Variants in ZRANB3 observed in about 807,000 individuals in gnomAD.
The protein encoded by ZRANB3 is DNA annealing helicase and endonuclease ZRANB3.
Under a neutral mutation model 133.8 loss-of-function variants are expected in ZRANB3, and 125 were observed. That is an observed-to-expected ratio of 0.93 (90% CI 0.81 to 1.08). The LOEUF is 1.08. ZRANB3 is among the 50% of genes least tolerant of loss of function. The pLI, the probability that ZRANB3 is intolerant of heterozygous loss-of-function variation, is 0.00. For missense variants in ZRANB3, 1,229 were observed against 1,275.5 expected (o/e 0.96, Z 0.56); for synonymous variants, 387 against 432.7 (o/e 0.89, Z 1.31).
intron 6 of ZRANB3, among the ~76,000 whole-genome samples, chr2:135,338,461 C>G (rs968457860): frequency 1.3e-5 from 2 of 152,186 alleles, no homozygotes; most frequent in South Asian, 2.1e-4. Flanking sequence ...AAGTGGACAC[C>G]ACAGTGCCGC....
At chr2:135,237,826 G>A (rs1695367240) in intron 12 of ZRANB3, among the ~76,000 whole-genome samples, 1 of 152,056 alleles carries the variant, frequency 6.6e-6, no homozygotes. Context: ...AGCATTAGGA[G>A]ATATACCTAA....
chr2:135,475,224 G>C (rs1559023259), intron 2 of ZRANB3, among the ~76,000 whole-genome samples: 1 of 152,032 alleles, frequency 6.6e-6, no homozygotes, highest in African/African-American at 2.4e-5. Context: ...TTTCTGAATA[G>C]AAAAAACCCT....
At chr2:135,483,516 T>C (rs1304456460) in intron 2 of ZRANB3, among the ~76,000 whole-genome samples, 2 of 152,088 alleles carry the variant, frequency 1.3e-5, no homozygotes, top group South Asian at 4.1e-4. Context: ...CTTTTTTTAT[T>C]AGTATTGCTA....
intron 2 of ZRANB3, among the ~76,000 whole-genome samples, chr2:135,460,874 T>C (rs868593565): frequency 3.9e-5 from 6 of 152,184 alleles, no homozygotes; most frequent in Non-Finnish European, 8.8e-5. Flanking sequence ...TATAATCTTA[T>C]AGAGCTGTGC....
At chr2:135,284,223 AGGGTTGT>A (rs1274584078) in intron 8 of ZRANB3, among the ~76,000 whole-genome samples, 1 of 152,216 alleles carries the variant, frequency 6.6e-6, no homozygotes, top group African/African-American at 2.4e-5. Context: ...TACACCGCAT[AGGGTTGT>A]GGTGAAAATT....
chr2:135,403,393 G>T (rs997518114), intron 2 of ZRANB3, among the ~76,000 whole-genome samples: 1 of 152,234 alleles, frequency 6.6e-6, no homozygotes, highest in Non-Finnish European at 1.5e-5. Context: ...GAAGGCGGCA[G>T]CAAGGCTGGG....
intron 2 of ZRANB3, among the ~76,000 whole-genome samples, chr2:135,395,239 A>G (rs570088993): frequency 7.2e-5 from 11 of 152,210 alleles, no homozygotes; most frequent in African/African-American, 2.4e-4. Flanking sequence ...TCAGAAACAT[A>G]CACTGGGAGA....
At chr2:135,491,435 C>T (rs1293162758) in intron 2 of ZRANB3, among the ~76,000 whole-genome samples, 1 of 152,186 alleles carries the variant, frequency 6.6e-6, no homozygotes, top group Non-Finnish European at 1.5e-5. Context: ...ACCTCCACCT[C>T]CCGGGTTTAT....
chr2:135,337,335 ATG>A (rs1229258372), intron 6 of ZRANB3, among the ~76,000 whole-genome samples: 3 of 152,200 alleles, frequency 2.0e-5, no homozygotes, highest in Admixed American at 1.3e-4. Context: ...GAAGAATACT[ATG>A]TGTTAACTGG....
chr2:135,233,467 G>C (rs539483052), intron 12 of ZRANB3, among the ~76,000 whole-genome samples: 4 of 152,250 alleles, frequency 2.6e-5, no homozygotes, highest in Admixed American at 1.3e-4. Flanking sequence ...TCCTCGAGAA[G>C]AGCAACTCCA....
At chr2:135,360,208 G>A (rs374026262) in intron 3 of ZRANB3, among the ~76,000 whole-genome samples, 5 of 151,626 alleles carry the variant, frequency 3.3e-5, no homozygotes, top group African/African-American at 9.7e-5. Flanking sequence ...ATGAAACCCC[G>A]TCTCTATGAA....
chr2:135,368,783 T>C (rs1686047572), intron 3 of ZRANB3, among the ~76,000 whole-genome samples: 1 of 151,678 alleles, frequency 6.6e-6, no homozygotes. Flanking sequence ...CCACAAAAAT[T>C]AAAAATTAAA....
intron 2 of ZRANB3, among the ~76,000 whole-genome samples, chr2:135,483,217 G>T (rs1358835390): frequency 1.3e-5 from 2 of 151,872 alleles, no homozygotes; most frequent in Non-Finnish European, 2.9e-5. Flanking sequence ...TGTACCTCTG[G>T]TAGAATTCGG....
intron 2 of ZRANB3, among the ~76,000 whole-genome samples, chr2:135,469,622 T>C (rs866596139): frequency 6.6e-6 from 1 of 152,052 alleles, no homozygotes; most frequent in African/African-American, 2.4e-5. Flanking sequence ...GTACTGGAGG[T>C]GGACAAACAA....
At chr2:135,398,389 T>C (rs1300590920) in intron 2 of ZRANB3, among the ~76,000 whole-genome samples, 5 of 151,912 alleles carry the variant, frequency 3.3e-5, no homozygotes, top group African/African-American at 9.7e-5. Flanking sequence ...CTTAATTTCA[T>C]CTACTAGCTT....
chr2:135,373,308 C>G (rs1430109929), intron 3 of ZRANB3, among the ~76,000 whole-genome samples: 3 of 152,052 alleles, frequency 2.0e-5, no homozygotes, highest in Admixed American at 1.3e-4. Context: ...GGATATGATT[C>G]AAACTACAGC....
intron 2 of ZRANB3, among the ~76,000 whole-genome samples, chr2:135,414,418 T>C (rs981856937): frequency 7.9e-5 from 12 of 152,152 alleles, no homozygotes; most frequent in African/African-American, 2.4e-4. Context: ...CCTAAATATA[T>C]ATGCACCCAA....
chr2:135,360,511 C>T (rs1240412585), intron 3 of ZRANB3, among the ~76,000 whole-genome samples: 1 of 151,968 alleles, frequency 6.6e-6, no homozygotes, highest in Non-Finnish European at 1.5e-5. Flanking sequence ...CGAGACCATC[C>T]TGGCTAACAC....
At chr2:135,243,941 A>G (rs1436973071) in intron 12 of ZRANB3, among the ~76,000 whole-genome samples, 1 of 151,802 alleles carries the variant, frequency 6.6e-6, no homozygotes, top group Non-Finnish European at 1.5e-5. Context: ...TTTTTTTAAG[A>G]AGAGCAAATA....
Sources: gnomAD v4.1 joint callset for allele counts (sites outside exome capture counted in the v4.1 genomes callset) on GRCh38, gnomAD v4.1.1 for gene constraint, MANE v1.5 for transcripts, NCBI Gene and HGNC (gene_info 2026-07-23, HGNC 2026-07-21) for gene names.